The following EFNB2 variants were observed in gnomAD, a reference collection of about 807,000 sequenced individuals.
EFNB2 encodes ephrin-B2.
Under a neutral mutation model 32.1 loss-of-function variants are expected in EFNB2, and 5 were observed. The ratio of observed to expected loss-of-function variants is 0.16; its 90% CI spans 0.08 to 0.33. The LOEUF is 0.33. Ranked by LOEUF, EFNB2 falls within the 10% of genes least tolerant of loss-of-function variation. The pLI, the probability that EFNB2 is intolerant of heterozygous loss-of-function variation, is 1.00. For synonymous variants in EFNB2, 168 were observed against 166.5 expected (o/e 1.01, Z -0.07); for missense variants, 263 against 422.6 (o/e 0.62, Z 3.31).
chr13:106,507,690 T>C (rs1392437495), intron 2 of EFNB2, among the ~76,000 whole-genome samples: 1 of 152,208 alleles, frequency 6.6e-6, no homozygotes, highest in Non-Finnish European at 1.5e-5. Flanking sequence ...AAATGGCAGC[T>C]TCTCCAGACT....
chr13:106,529,281 A>C (rs550134866), intron 1 of EFNB2, among the ~76,000 whole-genome samples: 1 of 152,282 alleles, frequency 6.6e-6, no homozygotes, highest in Non-Finnish European at 1.5e-5. Flanking sequence ...CCCTGCCTGA[A>C]GCCCAAATAG....
At chr13:106,523,095 G>A (rs1368878743) in intron 1 of EFNB2, among the ~76,000 whole-genome samples, 1 of 152,156 alleles carries the variant, frequency 6.6e-6, no homozygotes, top group Non-Finnish European at 1.5e-5. Context: ...AGGAGGGTCA[G>A]GGCTAGGTCT....
At chr13:106,532,823 G>GT (rs1491227708) in intron 1 of EFNB2, among the ~76,000 whole-genome samples, 1 of 90,844 alleles carries the variant, frequency 1.1e-5, no homozygotes, top group African/African-American at 3.8e-5. Context: ...TCATCAGAAT[G>GT]GGGGGGGGGA....
intron 1 of EFNB2, chr13:106,520,604 G>C (rs1594174244): frequency 6.6e-6 from 1 of 152,318 alleles, no homozygotes; most frequent in Non-Finnish European, 1.5e-5. Context: ...AAACAGGCAG[G>C]ATCTTCAGTC....
At chr13:106,534,047 A>T (rs1014180969) in intron 1 of EFNB2, among the ~76,000 whole-genome samples, 1 of 152,148 alleles carries the variant, frequency 6.6e-6, no homozygotes, top group South Asian at 2.1e-4. Context: ...CAGGGTCCCG[A>T]GGGAGAAGGC....
Position 106,514,239 on chromosome 13 carries a change from G to A in EFNB2, c.123-1427C>T, listed in dbSNP as rs924019525. On this transcript the variant is annotated intron_variant, in intron 1 of 4. Transcript: ENST00000646441. ...ATTCAAAAAAACTTTCTGTGAAACA[G>A]AACTCAAAACGAATTTTTATAACAA... 3.4e-4 allele frequency among the ~76,000 whole-genome samples: 52 copies of A among 152,174 alleles called. 1 individual carries two copies. The highest frequency in any genetic ancestry group is 1.2e-3 in the African/African-American group (50 of 41,516).
chr13:106,531,188 A>G (rs753182173), intron 1 of EFNB2, among the ~76,000 whole-genome samples: 1 of 152,200 alleles, frequency 6.6e-6, no homozygotes, highest in East Asian at 1.9e-4. Context: ...TGGGGCTTGA[A>G]GCTGTAACTG....
At chr13:106,525,195 T>C (rs1433166819) in intron 1 of EFNB2, among the ~76,000 whole-genome samples, 2 of 152,206 alleles carry the variant, frequency 1.3e-5, no homozygotes, top group African/African-American at 4.8e-5. Flanking sequence ...ATTGTCCCTA[T>C]TATAGAGATG....
Position 106,518,116 on chromosome 13 carries a change from G to A in EFNB2, c.123-5304C>T, listed in dbSNP as rs1251497152. 1 of 152,206 alleles carries A rather than the reference G, an allele frequency of 6.6e-6. No individual in the cohort carries two copies. Among genetic ancestry groups the A allele is most frequent in the Non-Finnish European group, 1.5e-5 (1 of 68,044 alleles). The allele number at this position is 152,206 out of a possible 1,614,324, so 9.4% of individuals were successfully genotyped here. Reference sequence around the variant, plus strand: ...GCACTTTGGGAGGCTGAGGCGGGTGGATCACGAGGTCAGGAGTTCAAGACC... The same window carrying A: ...GCACTTTGGGAGGCTGAGGCGGGTGAATCACGAGGTCAGGAGTTCAAGACC... On this transcript the variant is annotated intron_variant, in intron 1 of 4. Transcript: ENST00000646441. The surrounding 1 kb of genome is among the most constrained non-coding windows in gnomAD (Gnocchi z 4.1).
At chr13:106,533,634 C>G (rs866273065) in intron 1 of EFNB2, among the ~76,000 whole-genome samples, 1 of 152,168 alleles carries the variant, frequency 6.6e-6, no homozygotes, top group African/African-American at 2.4e-5. Flanking sequence ...TGGACACACT[C>G]CTTTAAGACG....
intron 3 of EFNB2, among the ~76,000 whole-genome samples, chr13:106,495,471 ATATCTATCTATCTATC>A (rs367670305): frequency 6.7e-6 from 1 of 149,348 alleles, no homozygotes; most frequent in Non-Finnish European, 1.5e-5. Context: ...TTAAAAAGAA[ATATCTATCTATCTATC>A]TATCTATCTA....
chr13:106,525,222 C>G (rs1879658817), intron 1 of EFNB2, among the ~76,000 whole-genome samples: 1 of 152,194 alleles, frequency 6.6e-6, no homozygotes, highest in Non-Finnish European at 1.5e-5. Context: ...CTGAGAGACA[C>G]TAAGGCTACT....
intron 1 of EFNB2, among the ~76,000 whole-genome samples, chr13:106,527,447 C>T (rs1949653303): frequency 6.6e-6 from 1 of 152,152 alleles, no homozygotes; most frequent in African/African-American, 2.4e-5. Context: ...TACTCCACTA[C>T]TGTCCACTTT....
chr13:106,511,820 G>A (rs1464050696), intron 2 of EFNB2, among the ~76,000 whole-genome samples: 1 of 152,124 alleles, frequency 6.6e-6, no homozygotes, highest in African/African-American at 2.4e-5. Flanking sequence ...AGTAGGCGTG[G>A]GCTCCAAATG....
intron 1 of EFNB2, among the ~76,000 whole-genome samples, chr13:106,530,600 A>G (rs1879836752): frequency 6.6e-6 from 1 of 152,230 alleles, no homozygotes; most frequent in Admixed American, 6.5e-5. Context: ...ATAAAACGTT[A>G]AAGAAATATC....
chr13:106,527,885 T>A (rs1284993364), intron 1 of EFNB2, among the ~76,000 whole-genome samples: 1 of 152,232 alleles, frequency 6.6e-6, no homozygotes, highest in African/African-American at 2.4e-5. Flanking sequence ...CTGTTTCTGA[T>A]AGAAAGCTGG....
intron 1 of EFNB2, among the ~76,000 whole-genome samples, chr13:106,521,876 T>TA (rs1431127785): frequency 6.6e-6 from 1 of 152,068 alleles, no homozygotes; most frequent in Admixed American, 6.5e-5. Context: ...TGGCTGAGGC[T>TA]AAAAAATCAT....
intron 2 of EFNB2, among the ~76,000 whole-genome samples, chr13:106,510,983 G>A (rs566231629): frequency 1.3e-5 from 2 of 152,222 alleles, no homozygotes; most frequent in South Asian, 4.1e-4. Flanking sequence ...TGACGAAAGA[G>A]AGAGACTCCG....
At chr13:106,532,063 AAAAC>A (rs1555325716) in intron 1 of EFNB2, among the ~76,000 whole-genome samples, 1 of 103,820 alleles carries the variant, frequency 9.6e-6, no homozygotes, top group South Asian at 3.5e-4. Context: ...AATTAAAAAA[AAAAC>A]AAAAAAAAAA....
Sources: gnomAD v4.1 joint callset for allele counts (sites outside exome capture counted in the v4.1 genomes callset) on GRCh38, gnomAD v4.1.1 for gene constraint, Gnocchi (gnomAD v3.1) non-coding constraint, MANE v1.5 for transcripts, NCBI Gene and HGNC (gene_info 2026-07-23, HGNC 2026-07-21) for gene names.